USP40: variants seen among roughly 807,000 people sequenced by gnomAD.
USP40 encodes ubiquitin carboxyl-terminal hydrolase 40.
USP40 carries 143 observed loss-of-function variants against 166.2 expected under a neutral mutation model. The ratio of observed to expected loss-of-function variants is 0.86; its 90% CI spans 0.75 to 0.99. USP40 has a LOEUF of 0.99. Ranked by LOEUF, USP40 falls within the 50% of genes least tolerant of loss-of-function variation. The probability of loss-of-function intolerance (pLI) is 0.00; values close to 1 mark genes in which losing one functional copy is unlikely to be tolerated. For missense variants in USP40, 1,444 were observed against 1,479.7 expected (o/e 0.98, Z 0.40); for synonymous variants, 498 against 524.0 (o/e 0.95, Z 0.68).
Position 233,493,276 on chromosome 2 carries a change from T to C in USP40, c.2917+149A>G. The C allele has an allele frequency of 9.3e-7, 1 of 1,073,742 alleles. No homozygotes were observed. The highest frequency in any genetic ancestry group is 1.5e-5 in the South Asian group (1 of 65,842). The allele number at this position is 1,073,742 out of a possible 1,614,324, so 66.5% of individuals were successfully genotyped here. ...ATGGCACAGTGTTATTATTATGTGA[T>C]GTCTGGAATGACTTATGAAATTAAT... is the stretch of plus-strand genomic sequence containing the variant. On this transcript the variant is annotated intron_variant, in intron 25 of 31. Coordinates refer to ENST00000678225, the MANE Select transcript of USP40 (RefSeq NM_001365479.2). The surrounding 1 kb of genome is among the most constrained non-coding windows in gnomAD (Gnocchi z 4.7).
intron 10 of USP40, among the ~76,000 whole-genome samples, chr2:233,540,133 A>AC (rs1336878677): frequency 6.6e-6 from 1 of 151,680 alleles, no homozygotes; most frequent in African/African-American, 2.4e-5. Flanking sequence ...CAAAAAAAAA[A>AC]AAAAAACAAA....
chr2:233,491,628 G>A (rs1369176589), intron 25 of USP40, among the ~76,000 whole-genome samples: 1 of 151,418 alleles, frequency 6.6e-6, no homozygotes, highest in Non-Finnish European at 1.5e-5. Flanking sequence ...GTGTGTGTGT[G>A]TGTGTGTCTG....
At position 233,523,501 on chromosome 2, in the gene USP40, C is replaced by A. The variant is rs751668660; in HGVS notation, c.1882-12G>T. 6.2e-7 allele frequency: 1 copy of A among 1,605,714 alleles called. No individual in the cohort carries two copies. Among genetic ancestry groups the A allele is most frequent in the South Asian group, 1.1e-5 (1 of 89,444 alleles). ...TGGACTCCACCAACCTGCAATCATA[C>A]CAAGACAACCATTAGTACAGCTGAT... On this transcript the variant is annotated splice_polypyrimidine_tract_variant and intron_variant, in intron 15 of 31. Coordinates refer to ENST00000678225, the MANE Select transcript of USP40 (RefSeq NM_001365479.2).
chr2:233,542,909 A>G (rs2069557505), intron 8 of USP40, among the ~76,000 whole-genome samples: 1 of 152,234 alleles, frequency 6.6e-6, no homozygotes, highest in African/African-American at 2.4e-5. Flanking sequence ...GCACTACTTT[A>G]GCTACATTTT....
At chr2:233,517,541 C>T (rs7599285) in intron 18 of USP40, among the ~76,000 whole-genome samples, 31,619 of 151,932 alleles carry the variant, frequency 0.21, 3,371 homozygotes, top group African/African-American at 0.22. Context: ...CACACCACCA[C>T]GCCTGGCTAA....
chr2:233,477,602 A>G, intron 31 of USP40, 99 bp from the exon 32 acceptor site: 1 of 1,018,500 alleles, frequency 9.8e-7, no homozygotes, highest in Non-Finnish European at 1.5e-6. Context: ...TTTATAGGCC[A>G]CAAGGACGTG....
Position 233,485,917 on chromosome 2 carries a change from A to C in USP40, c.3258T>G (p.Pro1086=), listed in dbSNP as rs1467785879. 2 of 1,600,638 alleles carry C rather than the reference A, an allele frequency of 1.2e-6. No individual in the cohort carries two copies. Among genetic ancestry groups the C allele is most frequent in the African/African-American group, 2.7e-5 (2 of 74,504 alleles). Residue 1086 remains proline (P), a synonymous_variant, in exon 29 of 32, where the codon CCT becomes CCG. Coordinates refer to ENST00000678225, the MANE Select transcript of USP40 (RefSeq NM_001365479.2). ...CCGCGTTCCACACCAGGTCCAGGGC[A>C]GGGGCATAGGTCCTCTCACCAGGGA... ...VRIPGERTYA[P]ALDLVWNAAQ... is the part of the protein sequence containing the mutation.
chr2:233,534,693 A>C (rs1260771647), intron 10 of USP40, among the ~76,000 whole-genome samples: 4 of 152,232 alleles, frequency 2.6e-5, no homozygotes, highest in Non-Finnish European at 5.9e-5. Context: ...ACAGCCTTGC[A>C]GCTAGTTTGT....
At chr2:233,497,368 GC>G (rs1412697404) in intron 23 of USP40, among the ~76,000 whole-genome samples, 3 of 152,168 alleles carry the variant, frequency 2.0e-5, no homozygotes, top group African/African-American at 7.2e-5. Flanking sequence ...GATCAATCTG[GC>G]TGCAATATGC....
intron 24 of USP40, among the ~76,000 whole-genome samples, chr2:233,494,967 T>C (rs58139226): frequency 3.0e-5 from 2 of 67,794 alleles, no homozygotes; most frequent in African/African-American, 8.1e-5. Flanking sequence ...TATATATATA[T>C]ATATATATAT....
At chr2:233,520,188 A>G (rs1188083717) in intron 17 of USP40, among the ~76,000 whole-genome samples, 1 of 152,128 alleles carries the variant, frequency 6.6e-6, no homozygotes, top group African/African-American at 2.4e-5. Flanking sequence ...CTAGGATACA[A>G]AATCTTGTAA....
In USP40 at chr2:233,520,961, T is replaced by C. The variant is rs1232424112; in HGVS notation, c.2325+30A>G. 1.9e-6 allele frequency: 3 copies of C among 1,587,926 alleles called. No homozygotes were observed. In the Admixed American group the frequency reaches 5.4e-5, roughly 29 times the overall value. On this transcript the variant is annotated intron_variant, in intron 17 of 31. Transcript: ENST00000678225. ...TAAAATTCTGTTAACTGAAAATCTA[T>C]CAGCCAACCTTTAATTATATTCTAC...
Position 233,525,674 on chromosome 2 carries a change from T to C in USP40, c.1726-112A>G, listed in dbSNP as rs921230318. On this transcript the variant is annotated intron_variant, in intron 13 of 31. Coordinates refer to ENST00000678225, the MANE Select transcript of USP40 (RefSeq NM_001365479.2). ...GAAGATGACACAGAGAGCAAGCAAA[T>C]GAATACTCTCACCCCCACCCAACAC... 1.1e-5 allele frequency: 8 copies of C among 710,606 alleles called. No homozygotes were observed. The Admixed American group carries it at 2.1e-4, about 19-fold the overall frequency. 44.0% of individuals were successfully genotyped at this position (710,606 alleles called of 1,614,324 possible). A position where few individuals can be genotyped will look rare whatever the true frequency, so the allele number is the denominator to read the frequency against.
At chr2:233,557,729 A>G (rs1309459417) in intron 4 of USP40, among the ~76,000 whole-genome samples, 1 of 152,204 alleles carries the variant, frequency 6.6e-6, no homozygotes, top group Non-Finnish European at 1.5e-5. Flanking sequence ...TCTGCTGAGA[A>G]CAGAGAAGTG....
Position 233,523,495 on chromosome 2 carries a change from A to G in USP40, c.1882-6T>C, listed in dbSNP as rs1270252548. ...TGAATGTGGACTCCACCAACCTGCA[A>G]TCATACCAAGACAACCATTAGTACA... is the stretch of plus-strand genomic sequence containing the variant. On this transcript the variant is annotated splice_polypyrimidine_tract_variant and splice_region_variant and intron_variant, in intron 15 of 31. Coordinates refer to ENST00000678225, the MANE Select transcript of USP40 (RefSeq NM_001365479.2). The G allele has an allele frequency of 1.9e-6, 3 of 1,609,342 alleles. No homozygotes were observed. The highest frequency in any genetic ancestry group is 1.3e-5 in the African/African-American group (1 of 74,886).
At chr2:233,531,506 G>T (rs1047155612) in intron 11 of USP40, among the ~76,000 whole-genome samples, 1 of 152,060 alleles carries the variant, frequency 6.6e-6, no homozygotes, top group Admixed American at 6.6e-5. Context: ...CTGTGAAAAA[G>T]ACTAATACTC....
chr2:233,479,183 T>C (rs527600087), intron 31 of USP40, among the ~76,000 whole-genome samples: 1 of 152,298 alleles, frequency 6.6e-6, no homozygotes, highest in South Asian at 2.1e-4. Flanking sequence ...CTATTGGATG[T>C]CTCCAAATAA....
intron 8 of USP40, chr2:233,546,011 A>G (rs1490461435): frequency 2.6e-5 from 4 of 152,254 alleles, no homozygotes; most frequent in African/African-American, 9.6e-5. Flanking sequence ...AAAAAAAATA[A>G]CAAATGGGAT....
chr2:233,510,185 C>A, intron 20 of USP40, 50 bp from the exon 21 acceptor site: 2 of 1,368,374 alleles, frequency 1.5e-6, no homozygotes, highest in South Asian at 2.6e-5. Context: ...ATTTAAAAAT[C>A]CAATAAATGT....
Sources: allele counts gnomAD v4.1 joint callset (sites outside exome capture counted in the v4.1 genomes callset), GRCh38; gene constraint gnomAD v4.1.1; non-coding constraint Gnocchi (gnomAD v3.1); transcripts MANE v1.5; gene names NCBI Gene and HGNC (gene_info 2026-07-23, HGNC 2026-07-21).